SLC4A1: variants seen among roughly 807,000 people sequenced by gnomAD.
SLC4A1 encodes the protein solute carrier family 4 member 1 (Diego blood group).
A neutral mutation model predicts 93.1 loss-of-function variants in SLC4A1; 29 were observed. The observed-to-expected ratio is 0.31, with a 90% CI of 0.23 to 0.42. The LOEUF (loss-of-function observed/expected upper bound fraction) is 0.42. Among genes scored for constraint, SLC4A1 ranks in the 20% least tolerant of loss-of-function variants. The probability of loss-of-function intolerance (pLI) is 1.00; values close to 1 mark genes in which losing one functional copy is unlikely to be tolerated. For missense variants in SLC4A1, 965 were observed against 1,190.1 expected, an observed-to-expected ratio of 0.81 and a Z score of 2.78; for synonymous variants, 469 against 497.2, an observed-to-expected ratio of 0.94 and a Z score of 0.76.
chr17:44,268,096 G>A lies in SLC4A1; in HGVS notation c.-111C>T, dbSNP rs1408674033. 7.1e-6 allele frequency: 7 copies of A among 985,190 alleles called. No individual in the cohort carries two copies. In the South Asian group the frequency reaches 2.3e-4, roughly 33 times the overall value. 61.0% of individuals were successfully genotyped at this position (985,190 alleles called of 1,614,324 possible). A position where few individuals can be genotyped will look rare whatever the true frequency, so the allele number is the denominator to read the frequency against. On this transcript the variant is annotated 5_prime_UTR_variant, in exon 1 of 20. Coordinates refer to ENST00000262418, the MANE Select transcript of SLC4A1 (RefSeq NM_000342.4). ...GGTCCCTTGGTGAAGTCCTGCAGCC[G>A]CTGGTGCCCTCTGCGACCAGCTACG...
chr17:44,267,424 G>A (rs763483132), intron 1 of SLC4A1, among the ~76,000 whole-genome samples: 1 of 152,202 alleles, frequency 6.6e-6, no homozygotes, highest in African/African-American at 2.4e-5. Context: ...TATAAGGAGC[G>A]CTATGAAAAT....
In SLC4A1 at chr17:44,257,836, G is replaced by A. The variant is rs764937313; in HGVS notation, c.1283-29C>T. On this transcript the variant is annotated intron_variant, in intron 11 of 19. Coordinates refer to ENST00000262418, the MANE Select transcript of SLC4A1 (RefSeq NM_000342.4). The stretch of plus-strand genomic sequence containing the variant: ...TGGGTAGAGGTCACAGTGGGATCAA[G>A]GTCAGGAGATCATTTCCAGGAGCCC... 5 of 1,613,050 alleles carry A rather than the reference G, an allele frequency of 3.1e-6. No individual in the cohort carries two copies. The South Asian group carries it at 3.3e-5, about 11-fold the overall frequency.
intron 8 of SLC4A1, 47 bp from the exon 9 acceptor site, chr17:44,259,391 G>A (rs752671737): frequency 4.5e-5 from 72 of 1,610,816 alleles, no homozygotes; most frequent in Non-Finnish European, 5.5e-5. Context: ...GCCCAGGGTG[G>A]GTGTGCTGAA....
At chr17:44,256,993 C>CTTT (rs1279174931) in intron 13 of SLC4A1, among the ~76,000 whole-genome samples, 2 of 142,384 alleles carry the variant, frequency 1.4e-5, no homozygotes, top group Non-Finnish European at 3.1e-5. Context: ...ATGGCTCAGT[C>CTTT]TTTTTTTTTT....
At chr17:44,264,874 C>T (rs1023550663) in intron 1 of SLC4A1, among the ~76,000 whole-genome samples, 3 of 152,044 alleles carry the variant, frequency 2.0e-5, no homozygotes, top group East Asian at 1.9e-4. Context: ...CCTCTTTTCC[C>T]TCCTCGCCCA....
chr17:44,264,625 T>C (rs961143616), intron 1 of SLC4A1, among the ~76,000 whole-genome samples: 1 of 152,194 alleles, frequency 6.6e-6, no homozygotes, highest in Non-Finnish European at 1.5e-5. Context: ...ACGTAGTAGG[T>C]GCTCAATAAA....
In SLC4A1 at chr17:44,262,680, T is replaced by C. The variant is rs1220892947; in HGVS notation, c.62A>G (p.Tyr21Cys). Residue 21 changes from tyrosine to cysteine, a missense_variant, in exon 3 of 20, where the codon TAT becomes TGT. By Grantham distance (194) the Tyr-to-Cys change is radical (BLOSUM62 -2). This residue lies in a region of SLC4A1 where 195 missense variants were observed against 183.5 expected (regional missense o/e 1.06). Coordinates refer to ENST00000262418, the MANE Select transcript of SLC4A1 (RefSeq NM_000342.4). ...GGACTCGGGGATGTCTGGGTCTTCA[T>C]ATTCCTCCTGCTCCAGATTCTCCTC... ...MMEENLEQEE[Y>C]EDPDIPESQM... The C allele has an allele frequency of 1.2e-6, 2 of 1,613,948 alleles. No individual in the cohort carries two copies. Among genetic ancestry groups the C allele is most frequent in the Non-Finnish European group, 1.7e-6 (2 of 1,179,970 alleles).
chr17:44,251,720 C>CTTTTCT (rs1555594857), intron 17 of SLC4A1, 132 bp from the exon 18 acceptor site: 4 of 392,886 alleles, frequency 1.0e-5, no homozygotes, highest in African/African-American at 3.0e-5. Flanking sequence ...CTTTTCTTTT[C>CTTTTCT]TTTTTTTTTT....
intron 1 of SLC4A1, among the ~76,000 whole-genome samples, chr17:44,263,569 G>A (rs369219528): frequency 1.3e-4 from 19 of 151,812 alleles, no homozygotes; most frequent in Admixed American, 5.3e-4. Flanking sequence ...TCCATATCCC[G>A]GACACCCTCC....
Position 44,258,347 on chromosome 17 carries a change from A to G in SLC4A1, c.1087+66T>C. The G allele has an allele frequency of 2.0e-6, 3 of 1,509,224 alleles. No individual in the cohort carries two copies. The highest frequency in any genetic ancestry group is 2.8e-6 in the Non-Finnish European group (3 of 1,085,346). The allele number at this position is 1,509,224 out of a possible 1,614,324, so 93.5% of individuals were successfully genotyped here. A position where few individuals can be genotyped will look rare whatever the true frequency, so the allele number is the denominator to read the frequency against. ...GAGGGGAACATGTGATGGGAGACAGAGGCTACGCTGAGGTGTCTGGGGGTC... is the reference window on the plus strand; with the variant it reads ...GAGGGGAACATGTGATGGGAGACAGGGGCTACGCTGAGGTGTCTGGGGGTC... On this transcript the variant is annotated intron_variant, in intron 10 of 19. Coordinates refer to ENST00000262418, the MANE Select transcript of SLC4A1 (RefSeq NM_000342.4). This position sits in a 1 kb window ranked among gnomAD's most constrained non-coding sequence, Gnocchi z 6.1.
At chr17:44,264,030 T>C (rs999127976) in intron 1 of SLC4A1, among the ~76,000 whole-genome samples, 10 of 151,656 alleles carry the variant, frequency 6.6e-5, no homozygotes, top group African/African-American at 2.4e-4. Context: ...TGAGAGCGGG[T>C]CTCCCTCTGT....
chr17:44,257,863 T>C (rs1316209539), intron 11 of SLC4A1, 56 bp from the exon 12 acceptor site: 22 of 1,610,818 alleles, frequency 1.4e-5, no homozygotes, highest in South Asian at 1.1e-5. Flanking sequence ...CAGGAGCCCA[T>C]AGAGCAAGTC....
chr17:44,257,797 G>A lies in SLC4A1; in HGVS notation c.1293C>T (p.Thr431=). The A allele has an allele frequency of 6.2e-7, 1 of 1,613,732 alleles. No homozygotes were observed. Among genetic ancestry groups the A allele is most frequent in the Non-Finnish European group, 8.5e-7 (1 of 1,180,022 alleles). The change falls in exon 12 of 20, where the codon ACC becomes ACT. Residue 431 remains threonine, a synonymous_variant. Coordinates refer to ENST00000262418, the MANE Select transcript of SLC4A1 (RefSeq NM_000342.4). ...GCTCCGACACTCCCATCTGGTTCCG[G>A]GTCTTTTCTCCTGTGGGTAGAGGTC... is the stretch of plus-strand genomic sequence containing the variant. ...ITFGGLLGEK[T]RNQMGVSELL...
intron 5 of SLC4A1, 42 bp downstream of exon 5, chr17:44,260,593 A>G (rs1206886748): frequency 9.9e-6 from 16 of 1,614,038 alleles, no homozygotes; most frequent in African/African-American, 1.3e-5. Flanking sequence ...CCCCACAACA[A>G]TCCTCATCTG....
chr17:44,257,937 G>A (rs772407652), intron 11 of SLC4A1, 49 bp downstream of exon 11: 2 of 1,610,680 alleles, frequency 1.2e-6, no homozygotes, highest in Non-Finnish European at 1.7e-6. Context: ...CTGAGACAGA[G>A]GCCAGAGGGT....
chr17:44,260,813 G>C lies in SLC4A1; in HGVS notation c.171C>G (p.Val57=), dbSNP rs759009282. ...HTTSHPGTHK[V]YVELQELVMD... is the part of the protein sequence containing the mutation. ...TCACCAGCTCCTGCAGCTCCACATA[G>C]ACCTGTGGCCCCATGCGCCTGAGTT... is the stretch of plus-strand genomic sequence containing the variant. The change falls in exon 5 of 20, where the codon GTC becomes GTG. Residue 57 remains valine, a splice_region_variant and synonymous_variant. Coordinates refer to ENST00000262418, the MANE Select transcript of SLC4A1 (RefSeq NM_000342.4). 3.7e-6 allele frequency: 6 copies of C among 1,611,638 alleles called. 1 individual carries two copies. The South Asian group carries it at 6.6e-5, about 18-fold the overall frequency.
In SLC4A1 at chr17:44,249,478, T is replaced by TC. The variant is rs2047320621; in HGVS notation, c.*979dup. The TC allele has an allele frequency of 1.9e-5, 2 of 103,566 alleles. No homozygotes were observed. Among genetic ancestry groups the TC allele is most frequent in the African/African-American group, 3.9e-4 (2 of 5,132 alleles). 6.4% of individuals were successfully genotyped at this position (103,566 alleles called of 1,614,324 possible). On this transcript the variant is annotated 3_prime_UTR_variant, in exon 20 of 20. Transcript: ENST00000262418. ...CTCTCCCGCCCCTACCTTCCCACCC[T>TC]CCCCCACTCCCTATCCAAATGTAGA...
At chr17:44,254,246 G>A (rs541370812) in intron 16 of SLC4A1, among the ~76,000 whole-genome samples, 1 of 152,126 alleles carries the variant, frequency 6.6e-6, no homozygotes, top group East Asian at 1.9e-4. Flanking sequence ...AAACTGTTGG[G>A]ATTACGGGCG....
intron 3 of SLC4A1, chr17:44,262,141 T>G (rs2047451225): frequency 4.8e-6 from 4 of 834,188 alleles, no homozygotes; most frequent in Non-Finnish European, 5.9e-6. Flanking sequence ...GAGGGGCCTC[T>G]TAACTTTAAT....
Sources: gnomAD v4.1 joint callset for allele counts (sites outside exome capture counted in the v4.1 genomes callset) on GRCh38, gnomAD v4.1.1 for gene constraint, gnomAD v4.1.1 regional missense constraint, Gnocchi (gnomAD v3.1) non-coding constraint, MANE v1.5 for transcripts, NCBI Gene and HGNC (gene_info 2026-07-23, HGNC 2026-07-21) for gene names.